PTPRQ: variants seen among roughly 807,000 people sequenced by gnomAD.
The protein encoded by PTPRQ is phosphatidylinositol phosphatase PTPRQ.
Under a neutral mutation model 246.0 loss-of-function variants are expected in PTPRQ, and 199 were observed. That is an observed-to-expected ratio of 0.81 (90% CI 0.72 to 0.91). The LOEUF is 0.91. PTPRQ is among the 40% of genes least tolerant of loss of function. The pLI is 0.00. For missense variants in PTPRQ, 2,624 were observed against 2,528.4 expected (o/e 1.04, Z -0.81); for synonymous variants, 869 against 853.2 (o/e 1.02, Z -0.32).
intron 15 of PTPRQ, 48 bp downstream of exon 15, chr12:80,506,254 G>A (rs772879628): frequency 7.1e-7 from 1 of 1,404,194 alleles, no homozygotes; most frequent in Non-Finnish European, 9.4e-7. Flanking sequence ...TAATGACAGA[G>A]TAGCCACAAA....
At chr12:80,470,802 A>C (rs572852185) in intron 7 of PTPRQ, among the ~76,000 whole-genome samples, 5 of 152,328 alleles carry the variant, frequency 3.3e-5, no homozygotes, top group Non-Finnish European at 7.3e-5. Flanking sequence ...AAGAATTATC[A>C]GTTCAGAATT....
At chr12:80,623,930 G>T (rs1226396325) in intron 33 of PTPRQ, among the ~76,000 whole-genome samples, 1 of 152,160 alleles carries the variant, frequency 6.6e-6, no homozygotes, top group Non-Finnish European at 1.5e-5. Context: ...TCTGCCCAAT[G>T]ATGGCCTCAT....
At chr12:80,457,517 A>G (rs1296848334) in intron 3 of PTPRQ, 58 bp from the exon 4 acceptor site, 1 of 399,946 alleles carries the variant, frequency 2.5e-6, no homozygotes, top group Non-Finnish European at 4.4e-6. Context: ...TTTAAATTTT[A>G]GATTCTCTTT....
At chr12:80,597,456 A>G (rs2121053838) in intron 26 of PTPRQ, among the ~76,000 whole-genome samples, 1 of 152,152 alleles carries the variant, frequency 6.6e-6, no homozygotes, top group Non-Finnish European at 1.5e-5. Context: ...TTCATAGTTT[A>G]TCCAGAATTA....
At chr12:80,640,223 G>T (rs959482262) in intron 35 of PTPRQ, among the ~76,000 whole-genome samples, 1 of 152,188 alleles carries the variant, frequency 6.6e-6, no homozygotes, top group East Asian at 1.9e-4. Flanking sequence ...ATGAAGCAAA[G>T]AAGTGATGGC....
intron 17 of PTPRQ, 63 bp downstream of exon 17, chr12:80,510,506 T>A: frequency 7.3e-7 from 1 of 1,370,958 alleles, no homozygotes; most frequent in Non-Finnish European, 9.6e-7. Context: ...ATAATAGGAA[T>A]GTAGCTTTTA....
intron 8 of PTPRQ, among the ~76,000 whole-genome samples, chr12:80,483,796 C>G (rs1208784561): frequency 6.6e-6 from 1 of 151,754 alleles, no homozygotes; most frequent in African/African-American, 2.4e-5. Context: ...CATGTGTTCT[C>G]ATTGTTCAGC....
In PTPRQ at chr12:80,468,830, G is replaced by A; in HGVS notation, c.1031G>A (p.Gly344Glu). 1 of 1,547,838 alleles carries A rather than the reference G, an allele frequency of 6.5e-7. No homozygotes were observed. The highest frequency in any genetic ancestry group is 8.7e-7 in the Non-Finnish European group (1 of 1,145,510). The change falls in exon 7 of 45, where the codon GGA becomes GAA. Residue 344 changes from glycine to glutamate, a missense_variant. Transcript: ENST00000644991. ...GKFSYRVELYGPSGRILDNST... is the reference protein window; with the variant it reads ...GKFSYRVELYEPSGRILDNST... Reference sequence around the variant, plus strand: ...TTTAGTTATAGAGTTGAATTATATGGACCATCAGGTAAGCCTTAATTGGTT... The same window carrying A: ...TTTAGTTATAGAGTTGAATTATATGAACCATCAGGTAAGCCTTAATTGGTT...
At chr12:80,630,244 T>TC (rs1335683089) in intron 33 of PTPRQ, among the ~76,000 whole-genome samples, 4 of 152,046 alleles carry the variant, frequency 2.6e-5, no homozygotes, top group African/African-American at 7.2e-5. Context: ...CTCCTTTCCT[T>TC]CCCCCCTATG....
At chr12:80,638,686 C>T (rs1483641872) in intron 35 of PTPRQ, among the ~76,000 whole-genome samples, 1 of 152,076 alleles carries the variant, frequency 6.6e-6, no homozygotes, top group Non-Finnish European at 1.5e-5. Context: ...TTTGAAAATG[C>T]CTTCTCTCAC....
chr12:80,613,935 C>G, intron 29 of PTPRQ, 99 bp downstream of exon 29: 1 of 1,294,796 alleles, frequency 7.7e-7, no homozygotes. Flanking sequence ...TGACATTTCC[C>G]ATATCTTTTT....
chr12:80,571,439 A>G (rs950989314), intron 25 of PTPRQ, among the ~76,000 whole-genome samples: 2 of 152,172 alleles, frequency 1.3e-5, no homozygotes, highest in African/African-American at 4.8e-5. Flanking sequence ...CACCCAGCCT[A>G]CAATTCTTTA....
At chr12:80,666,628 A>T (rs1451467428) in intron 39 of PTPRQ, among the ~76,000 whole-genome samples, 1 of 151,988 alleles carries the variant, frequency 6.6e-6, no homozygotes, top group Non-Finnish European at 1.5e-5. Context: ...TGACTTGAGT[A>T]TTACACATTG....
intron 25 of PTPRQ, among the ~76,000 whole-genome samples, chr12:80,577,424 A>T (rs1897305028): frequency 6.6e-6 from 1 of 152,140 alleles, no homozygotes; most frequent in Non-Finnish European, 1.5e-5. Flanking sequence ...TGAGAACAGG[A>T]TGGGGGAAAC....
chr12:80,573,170 A>AGT (rs1466682460), intron 25 of PTPRQ, among the ~76,000 whole-genome samples: 1 of 152,140 alleles, frequency 6.6e-6, no homozygotes, highest in Non-Finnish European at 1.5e-5. Flanking sequence ...ATAAATATAG[A>AGT]ACTACTCATA....
At chr12:80,480,307 G>A (rs1297931907) in intron 8 of PTPRQ, among the ~76,000 whole-genome samples, 3 of 152,102 alleles carry the variant, frequency 2.0e-5, no homozygotes, top group Non-Finnish European at 2.9e-5. Context: ...CAGAAATAAA[G>A]ATGTTCTTTG....
rs929585157 is a variant in PTPRQ at position 80,607,061 on chromosome 12, A to G, written c.4731+1881A>G. ...AAAGTGAGCAAGGGAAAGAGGGTAG[A>G]ATGGGAAGATAACAAATATTTTAAT... is the stretch of plus-strand genomic sequence containing the variant. On this transcript the variant is annotated intron_variant, in intron 27 of 44. Transcript: ENST00000644991. Among the ~76,000 whole-genome samples the G allele has an allele frequency of 4.6e-5, 7 of 150,850 alleles. No individual in the cohort carries two copies. The East Asian group carries it at 1.2e-3, about 25-fold the overall frequency.
chr12:80,653,956 G>A (rs1683156314), intron 38 of PTPRQ, among the ~76,000 whole-genome samples: 5 of 152,034 alleles, frequency 3.3e-5, no homozygotes, highest in Admixed American at 3.3e-4. Context: ...GATTTTAAGA[G>A]CAAGATAACA....
At chr12:80,642,780 C>T (rs574089654) in intron 35 of PTPRQ, among the ~76,000 whole-genome samples, 3 of 150,584 alleles carry the variant, frequency 2.0e-5, no homozygotes, top group East Asian at 3.9e-4. Context: ...ATTAGCCGGG[C>T]GTAGTGGCGG....
Sources: gnomAD v4.1 joint callset for allele counts (sites outside exome capture counted in the v4.1 genomes callset) on GRCh38, gnomAD v4.1.1 for gene constraint, MANE v1.5 for transcripts, NCBI Gene and HGNC (gene_info 2026-07-23, HGNC 2026-07-21) for gene names.